The following KIF1B variants were observed in gnomAD, a reference collection of about 807,000 sequenced individuals.
The protein encoded by KIF1B is kinesin-like protein KIF1B.
KIF1B carries 76 observed loss-of-function variants against 241.9 expected under a neutral mutation model. That is an observed-to-expected ratio of 0.31 (90% confidence interval 0.26 to 0.38). KIF1B has a LOEUF of 0.38. Ranked by LOEUF, KIF1B falls within the 10% of genes least tolerant of loss-of-function variation. The pLI, the probability that KIF1B is intolerant of heterozygous loss-of-function variation, is 1.00. For missense variants in KIF1B, 1,622 were observed against 2,271.4 expected, an observed-to-expected ratio of 0.71 and a Z score of 5.81; for synonymous variants, 750 against 796.7, an observed-to-expected ratio of 0.94 and a Z score of 0.99.
intron 22 of KIF1B, chr1:10,304,377 C>G (rs763240121): frequency 6.2e-7 from 1 of 1,614,212 alleles, no homozygotes; most frequent in Non-Finnish European, 8.5e-7. Flanking sequence ...GTACGCGCTG[C>G]CAGGCATCTG....
intron 22 of KIF1B, among the ~76,000 whole-genome samples, chr1:10,312,193 G>A (rs1356729321): frequency 6.6e-6 from 1 of 151,410 alleles, no homozygotes. Context: ...ATTTGAACTG[G>A]AGCAGCTAGC....
intron 37 of KIF1B, among the ~76,000 whole-genome samples, chr1:10,351,609 G>A (rs967589896): frequency 6.6e-6 from 1 of 152,172 alleles, no homozygotes; most frequent in Admixed American, 6.5e-5. Flanking sequence ...TCTATGCAAT[G>A]CTGCATCCGC....
At chr1:10,235,488 A>G (rs1200848536) in intron 2 of KIF1B, among the ~76,000 whole-genome samples, 1 of 152,080 alleles carries the variant, frequency 6.6e-6, no homozygotes, top group East Asian at 1.9e-4. Flanking sequence ...CCTGAGCTCA[A>G]GCAGTCCACC....
chr1:10,224,041 C>T (rs1325477434), intron 1 of KIF1B, among the ~76,000 whole-genome samples: 2 of 151,966 alleles, frequency 1.3e-5, no homozygotes, highest in African/African-American at 4.8e-5. Context: ...GAGCTCAAGC[C>T]ATCTGCCTGC....
intron 1 of KIF1B, among the ~76,000 whole-genome samples, chr1:10,218,296 C>T (rs1646795075): frequency 2.0e-5 from 3 of 152,184 alleles, no homozygotes; most frequent in South Asian, 4.1e-4. Context: ...GTATGTTACT[C>T]ATTTTGTTTT....
chr1:10,284,729 A>G (rs1649603191), intron 15 of KIF1B, among the ~76,000 whole-genome samples: 1 of 151,664 alleles, frequency 6.6e-6, no homozygotes, highest in South Asian at 2.1e-4. Context: ...GGCCATGGTG[A>G]CGTGCATCTA....
At chr1:10,227,958 G>A (rs1271592858) in intron 1 of KIF1B, among the ~76,000 whole-genome samples, 1 of 151,658 alleles carries the variant, frequency 6.6e-6, no homozygotes, top group East Asian at 2.0e-4. Context: ...ACTGAGGTGG[G>A]CGGATCATAT....
chr1:10,292,300 A>G, intron 17 of KIF1B, 178 bp downstream of exon 17: 5 of 607,418 alleles, frequency 8.2e-6, no homozygotes, highest in South Asian at 3.8e-5. Flanking sequence ...AAGGCAGCCT[A>G]TTTCTAAAAT....
chr1:10,280,727 T>C (rs141999233), intron 14 of KIF1B, among the ~76,000 whole-genome samples: 1 of 152,352 alleles, frequency 6.6e-6, no homozygotes, highest in Non-Finnish European at 1.5e-5. Context: ...TCAACGATAC[T>C]GGTGTGGAAA....
chr1:10,304,201 G>A lies in KIF1B; in HGVS notation c.2115+6955G>A, dbSNP rs769502422. 4 of 1,614,028 alleles carry A rather than the reference G, an allele frequency of 2.5e-6. No homozygotes were observed. The African/African-American group carries it at 4.0e-5, about 16-fold the overall frequency. On this transcript the variant is annotated intron_variant, in intron 22 of 48. Coordinates refer to ENST00000676179, the MANE Select transcript of KIF1B (RefSeq NM_001365951.3). ...GAAAGGGAATAAAGAAGAGAGCCAAGAAAAAGGGGGTAAAGGAGCTTTTAA... is the reference window on the plus strand; with the variant it reads ...GAAAGGGAATAAAGAAGAGAGCCAAAAAAAAGGGGGTAAAGGAGCTTTTAA...
At chr1:10,252,386 T>TTG (rs1647503565) in intron 2 of KIF1B, among the ~76,000 whole-genome samples, 2 of 149,824 alleles carry the variant, frequency 1.3e-5, no homozygotes, top group African/African-American at 4.9e-5. Context: ...TTGTGGGGTT[T>TTG]TTGTTGTTGT....
intron 44 of KIF1B, among the ~76,000 whole-genome samples, chr1:10,370,452 T>C (rs1318468509): frequency 6.6e-6 from 1 of 150,448 alleles, no homozygotes; most frequent in Non-Finnish European, 1.5e-5. Flanking sequence ...TAGTCCCAGC[T>C]ACTCAGGAAG....
At chr1:10,321,636 T>G in intron 23 of KIF1B, 73 bp from the exon 24 acceptor site, 1 of 1,494,782 alleles carries the variant, frequency 6.7e-7, no homozygotes, top group Non-Finnish European at 9.3e-7. Flanking sequence ...GTAAAAGAGA[T>G]AAGCTAGAAG....
At chr1:10,235,046 C>T (rs1373859595) in intron 2 of KIF1B, among the ~76,000 whole-genome samples, 2 of 151,798 alleles carry the variant, frequency 1.3e-5, no homozygotes, top group Non-Finnish European at 2.9e-5. Flanking sequence ...CCTGTCACCA[C>T]ACCTGGCTAA....
At chr1:10,238,755 G>A (rs959469183) in intron 2 of KIF1B, among the ~76,000 whole-genome samples, 1 of 151,778 alleles carries the variant, frequency 6.6e-6, no homozygotes, top group Non-Finnish European at 1.5e-5. Flanking sequence ...CCAAAAGAAA[G>A]TAATGCATTT....
intron 22 of KIF1B, among the ~76,000 whole-genome samples, chr1:10,313,772 G>C (rs193159474): frequency 1.1e-4 from 16 of 150,836 alleles, no homozygotes; most frequent in Non-Finnish European, 1.8e-4. Flanking sequence ...GGATGGTCTT[G>C]ATCTCCTGAC....
chr1:10,306,206 G>T (rs1259904845), intron 22 of KIF1B: 1 of 1,039,770 alleles, frequency 9.6e-7, no homozygotes, highest in Admixed American at 5.6e-5. Flanking sequence ...TGCTTTCATA[G>T]CTAGAACAGT....
chr1:10,335,089 A>G (rs1264500164), intron 28 of KIF1B, among the ~76,000 whole-genome samples: 4 of 151,892 alleles, frequency 2.6e-5, no homozygotes, highest in African/African-American at 9.7e-5. Context: ...GATGCACACC[A>G]CCATCCCAGC....
intron 7 of KIF1B, 26 bp from the exon 8 acceptor site, chr1:10,271,476 G>A (rs1569651435): frequency 1.3e-6 from 2 of 1,523,610 alleles, no homozygotes; most frequent in Non-Finnish European, 1.8e-6. Flanking sequence ...TTTTTGAATT[G>A]CCCCCATGTT....
Sources: allele counts gnomAD v4.1 joint callset (sites outside exome capture counted in the v4.1 genomes callset), GRCh38; gene constraint gnomAD v4.1.1; transcripts MANE v1.5; gene names NCBI Gene and HGNC (gene_info 2026-07-23, HGNC 2026-07-21).